Variants in ABR observed in about 807,000 individuals in gnomAD.
ABR encodes active breakpoint cluster region-related protein.
In ABR, 35 loss-of-function variants were observed where a neutral mutation model predicts 107.2. That is an observed-to-expected ratio of 0.33 (90% CI 0.25 to 0.43). ABR has a LOEUF of 0.43. Among genes scored for constraint, ABR ranks in the 20% least tolerant of loss-of-function variants. ABR has a pLI of 1.00. For synonymous variants in ABR, 498 were observed against 462.0 expected, an observed-to-expected ratio of 1.08 and a Z score of -1.00; for missense variants, 815 against 1,115.2, an observed-to-expected ratio of 0.73 and a Z score of 3.83.
intron 9 of ABR, among the ~76,000 whole-genome samples, chr17:1,068,470 C>G (rs1345191107): frequency 6.6e-6 from 1 of 152,166 alleles, no homozygotes; most frequent in Non-Finnish European, 1.5e-5. Flanking sequence ...CCAGGGAGGG[C>G]TGAAGGGAGA....
chr17:1,052,146 G>A (rs960117180), intron 14 of ABR, among the ~76,000 whole-genome samples: 1 of 152,064 alleles, frequency 6.6e-6, no homozygotes, highest in African/African-American at 2.4e-5. Flanking sequence ...CCTCCAGCTG[G>A]AGCAACAGAA....
At position 1,148,127 on chromosome 17, in the gene ABR, G is replaced by A. The variant is rs1336612702; in HGVS notation, c.62-22760C>T. Among the ~76,000 whole-genome samples the A allele has an allele frequency of 2.6e-5, 4 of 152,212 alleles. No individual in the cohort carries two copies. The highest frequency in any genetic ancestry group is 2.0e-4 in the Admixed American group (3 of 15,288). ...TGCTGATGAGTGAAGTAAGCCCAAA[G>A]GTTGTCGGGGAAATACCCGCATTCC... On this transcript the variant is annotated intron_variant, in intron 1 of 22. Coordinates refer to ENST00000302538, the MANE Select transcript of ABR (RefSeq NM_021962.5). This position sits in a 1 kb window ranked among gnomAD's most constrained non-coding sequence, Gnocchi z 4.9.
At chr17:1,170,463 G>A (rs541371786) in intron 1 of ABR, among the ~76,000 whole-genome samples, 2 of 152,072 alleles carry the variant, frequency 1.3e-5, no homozygotes, top group Non-Finnish European at 2.9e-5. Context: ...TTGAGATGGA[G>A]TCTCATTCTG....
intron 16 of ABR, among the ~76,000 whole-genome samples, chr17:1,029,779 A>C (rs1414037566): frequency 6.6e-6 from 1 of 151,802 alleles, no homozygotes; most frequent in Non-Finnish European, 1.5e-5. Context: ...TGGGAAGCAC[A>C]GGGCAGACGT....
intron 1 of ABR, among the ~76,000 whole-genome samples, chr17:1,138,799 A>T (rs1567815124): frequency 6.6e-6 from 1 of 152,224 alleles, no homozygotes; most frequent in Non-Finnish European, 1.5e-5. Context: ...TTAAAAATTT[A>T]AAATCTAAGT....
chr17:1,128,182 G>C (rs979025524), intron 1 of ABR, among the ~76,000 whole-genome samples: 1 of 152,150 alleles, frequency 6.6e-6, no homozygotes, highest in Non-Finnish European at 1.5e-5. Flanking sequence ...ACAAAACCAT[G>C]AGAGCCCAGG....
At position 1,223,366 on chromosome 17, in the gene ABR, G is replaced by A. The variant is rs78787535; in HGVS notation, c.838+5427C>T. Among the ~76,000 whole-genome samples the A allele has an allele frequency of 6.6e-3, 982 of 149,340 alleles. 4 individuals carry two copies. Among genetic ancestry groups the A allele is most frequent in the Middle Eastern group, 0.031 (9 of 292 alleles). ...CCTCCATCGTCACTCTACGCCAGGT[G>A]TTCTGCTACACTCTTTAATTATTCT... On this transcript the variant is annotated intron_variant, in intron 1 of 22. Coordinates refer to the ABR transcript ENST00000574139.
At position 1,123,128 on chromosome 17, in the gene ABR, G is replaced by A. The variant is rs149366941; in HGVS notation, c.246+2055C>T. Among the ~76,000 whole-genome samples the A allele has an allele frequency of 7.1e-4, 108 of 152,294 alleles. 1 individual carries two copies. The highest frequency in any genetic ancestry group is 1.2e-3 in the Non-Finnish European group (82 of 68,028). ...GCACCCCGTGTAAACAGCAATCCCT[G>A]CAGAGTCCACTAGGTGGGGCCGGTG... On this transcript the variant is annotated intron_variant, in intron 2 of 22. Coordinates refer to ENST00000302538, the MANE Select transcript of ABR (RefSeq NM_021962.5).
At chr17:1,024,899 C>T (rs2072054344) in intron 16 of ABR, among the ~76,000 whole-genome samples, 1 of 151,972 alleles carries the variant, frequency 6.6e-6, no homozygotes. Flanking sequence ...GCGGGTGGAT[C>T]ACCTGAGGTC....
At chr17:1,225,069 A>G (rs930385878) in intron 1 of ABR, among the ~76,000 whole-genome samples, 2 of 151,384 alleles carry the variant, frequency 1.3e-5, no homozygotes, top group Non-Finnish European at 2.9e-5. Context: ...GAATGGTGTG[A>G]ACCCAGGAGG....
intron 1 of ABR, among the ~76,000 whole-genome samples, chr17:1,177,575 G>A (rs549199699): frequency 3.3e-4 from 50 of 152,310 alleles, no homozygotes; most frequent in Non-Finnish European, 5.4e-4. Context: ...TGCTCCAGGC[G>A]TGGGAGGAAG....
At chr17:1,073,487 G>C in intron 7 of ABR, 138 bp downstream of exon 7, 1 of 672,902 alleles carries the variant, frequency 1.5e-6, no homozygotes, top group Non-Finnish European at 2.2e-6. Context: ...CCGCGGGCCA[G>C]ACAGGCATCC....
At position 1,047,611 on chromosome 17, in the gene ABR, A is replaced by G. The variant is rs1198921209; in HGVS notation, c.1791+2439T>C. Among the ~76,000 whole-genome samples, 4 of 152,238 alleles carry G rather than the reference A, an allele frequency of 2.6e-5. No individual in the cohort carries two copies. In the East Asian group the frequency reaches 7.7e-4, roughly 29 times the overall value. On this transcript the variant is annotated intron_variant, in intron 16 of 22. Coordinates refer to ENST00000302538, the MANE Select transcript of ABR (RefSeq NM_021962.5). ...AACTGTCCGCTCACAGGCCCAGGTC[A>G]GCTGGCAGCAGGAAGGTTTATGTTT...
At chr17:1,168,554 C>T (rs1271754187) in intron 1 of ABR, among the ~76,000 whole-genome samples, 1 of 152,180 alleles carries the variant, frequency 6.6e-6, no homozygotes, top group African/African-American at 2.4e-5. Context: ...GAGGTTCCCC[C>T]AGTCTGGACT....
intron 10 of ABR, among the ~76,000 whole-genome samples, chr17:1,062,120 C>A (rs144283906): frequency 1.6e-3 from 241 of 152,228 alleles, no homozygotes; most frequent in African/African-American, 5.7e-3. Flanking sequence ...ACAGACCAAG[C>A]TGACCAAACC....
chr17:1,022,887 G>A (rs2071805165), intron 16 of ABR, among the ~76,000 whole-genome samples: 1 of 152,248 alleles, frequency 6.6e-6, no homozygotes, highest in African/African-American at 2.4e-5. Context: ...ATGGGAGGAA[G>A]GGGATTAGCA....
At chr17:1,137,928 TCTCA>T (rs2040146906) in intron 1 of ABR, among the ~76,000 whole-genome samples, 1 of 147,308 alleles carries the variant, frequency 6.8e-6, no homozygotes, top group African/African-American at 2.5e-5. Context: ...TGAGACGGGG[TCTCA>T]CTCTGTCACC....
At chr17:1,119,374 TC>T (rs2039226817) in intron 2 of ABR, among the ~76,000 whole-genome samples, 2 of 33,504 alleles carry the variant, frequency 6.0e-5, no homozygotes, top group African/African-American at 2.4e-4. Context: ...GAGCCTGAGT[TC>T]CTCCCAGCGT....
At chr17:1,144,810 C>T (rs34703714) in intron 1 of ABR, among the ~76,000 whole-genome samples, 49,331 of 151,956 alleles carry the variant, frequency 0.32, 8,220 homozygotes, top group South Asian at 0.34. Context: ...GGGCAGATCA[C>T]CTGAGGTCAG....
Sources: gnomAD v4.1 joint callset for allele counts (sites outside exome capture counted in the v4.1 genomes callset) on GRCh38, gnomAD v4.1.1 for gene constraint, Gnocchi (gnomAD v3.1) non-coding constraint, MANE v1.5 for transcripts, NCBI Gene and HGNC (gene_info 2026-07-23, HGNC 2026-07-21) for gene names.